F8: variants seen among roughly 807,000 people sequenced by gnomAD.
The protein encoded by F8 is coagulation factor VIII.
A neutral mutation model predicts 140.6 loss-of-function variants in F8; 12 were observed. The observed-to-expected ratio is 0.09, with a 90% CI of 0.05 to 0.14. The LOEUF (loss-of-function observed/expected upper bound fraction) is 0.14, where lower values mean the gene tolerates loss of function less well. Ranked by LOEUF, F8 falls within the 10% of genes least tolerant of loss-of-function variation. The pLI, the probability that F8 is intolerant of heterozygous loss-of-function variation, is 1.00. For synonymous variants in F8, 585 were observed against 614.6 expected (o/e 0.95, Z 0.71); for missense variants, 1,354 against 1,720.7 (o/e 0.79, Z 3.77).
intron 14 of F8, among the ~76,000 whole-genome samples, chrX:154,924,804 G>T (rs1330998505): frequency 8.9e-6 from 1 of 112,463 alleles, no homozygotes; most frequent in Non-Finnish European, 1.9e-5. Flanking sequence ...ACATCATGTG[G>T]AAGCTGCCAA....
chrX:154,843,947 C>T (rs1438622967), intron 25 of F8, among the ~76,000 whole-genome samples: 1 of 111,181 alleles, frequency 9.0e-6, no homozygotes, highest in African/African-American at 3.3e-5. Context: ...GTCTTTAATC[C>T]ATCTTGAATT....
intron 1 of F8, among the ~76,000 whole-genome samples, chrX:155,016,800 T>G (rs781830638): frequency 7.1e-5 from 8 of 112,315 alleles, no homozygotes; most frequent in Non-Finnish European, 1.1e-4. Flanking sequence ...GCATGTTGAT[T>G]AGGGTGGTGG....
At chrX:154,923,636 A>G (rs1292179302) in intron 14 of F8, among the ~76,000 whole-genome samples, 2 of 112,345 alleles carry the variant, frequency 1.8e-5, no homozygotes, top group African/African-American at 6.5e-5. Context: ...GGAGTTAGAG[A>G]CCAGTCTGGC....
intron 1 of F8, among the ~76,000 whole-genome samples, chrX:155,016,263 T>C (rs1369521754): frequency 9.0e-6 from 1 of 110,872 alleles, no homozygotes; most frequent in Admixed American, 9.6e-5. Flanking sequence ...GAGATACCAC[T>C]GTGCAGTCAT....
chrX:154,975,907 AT>A (rs1156328226), intron 6 of F8, among the ~76,000 whole-genome samples: 6 of 109,833 alleles, frequency 5.5e-5, no homozygotes, highest in African/African-American at 1.7e-4. Context: ...TTGTTTGTCA[AT>A]TTTTTTTTGA....
At chrX:154,903,840 A>C in intron 18 of F8, 66 bp downstream of exon 18, 2 of 990,801 alleles carry the variant, frequency 2.0e-6, no homozygotes, top group Non-Finnish European at 2.9e-6. Context: ...CCCAGTGCCT[A>C]GACCATTTAA....
chrX:154,925,596 T>C (rs2073156145), intron 14 of F8, among the ~76,000 whole-genome samples: 1 of 112,127 alleles, frequency 8.9e-6, no homozygotes, highest in Admixed American at 9.4e-5. Context: ...AGACATGGAG[T>C]CAAAGGAGAT....
intron 13 of F8, among the ~76,000 whole-genome samples, chrX:154,936,368 T>C (rs192402956): frequency 9.0e-6 from 1 of 111,548 alleles, no homozygotes; most frequent in East Asian, 2.8e-4. Context: ...AGGATAGAGA[T>C]AGGTTGAAAA....
chrX:154,900,589 T>A (rs28657384), intron 20 of F8, among the ~76,000 whole-genome samples: 47,490 of 111,026 alleles, frequency 0.43, 9,751 homozygotes, highest in African/African-American at 0.81. Flanking sequence ...AAGTAAAAAT[T>A]AGTAAAAATA....
chrX:154,978,181 T>C (rs2073497865), intron 6 of F8, among the ~76,000 whole-genome samples: 1 of 110,941 alleles, frequency 9.0e-6, no homozygotes, highest in Non-Finnish European at 1.9e-5. Flanking sequence ...GTTCTTTGTA[T>C]TTTTTTCAGA....
intron 13 of F8, 75 bp from the exon 14 acceptor site, chrX:154,931,751 C>T: frequency 1.1e-6 from 1 of 898,857 alleles, no homozygotes; most frequent in Non-Finnish European, 1.6e-6. Context: ...GGTTCTCTCC[C>T]ATTCCCAGAT....
Position 154,929,139 on chromosome X carries a change from C to A in F8, c.4651G>T (p.Ala1551Ser). 1 of 1,211,747 alleles carries A rather than the reference C, an allele frequency of 8.3e-7. No individual in the cohort carries two copies. The highest frequency in any genetic ancestry group is 1.1e-6 in the Non-Finnish European group (1 of 895,538). The change falls in exon 14 of 26, where the codon GCG (alanine) becomes TCG (serine). Residue 1551 changes from alanine to serine, a missense_variant. Around this residue, in one of 4 missense-constraint regions of F8, gnomAD observed 658 missense variants for 666.5 expected, o/e 0.99. Transcript: ENST00000360256. The part of the protein sequence containing the change: ...EGSLLQGTEG[A>S]IKWNEANRPG... ...CTGTTTGCTTCATTCCACTTAATCG[C>A]TCCCTCTGTTCCCTGAAGAAGGCTC... is the stretch of plus-strand genomic sequence containing the variant.
intron 25 of F8, among the ~76,000 whole-genome samples, chrX:154,844,800 T>C (rs1452922075): frequency 9.0e-6 from 1 of 110,669 alleles, no homozygotes. Flanking sequence ...TCCTGCCTGA[T>C]TGCCCTGGCC....
intron 23 of F8, among the ~76,000 whole-genome samples, chrX:154,862,519 G>A (rs938193093): frequency 9.0e-6 from 1 of 111,055 alleles, no homozygotes; most frequent in African/African-American, 3.3e-5. Context: ...AGTGAGTGCA[G>A]TACACAATAC....
intron 1 of F8, among the ~76,000 whole-genome samples, chrX:155,009,737 AAAATAAAT>A (rs782614308): frequency 2.7e-5 from 3 of 110,782 alleles, no homozygotes; most frequent in Admixed American, 1.9e-4. Context: ...TCTGTCTCAA[AAAATAAAT>A]AAATAAATAA....
chrX:155,003,724 C>T (rs782793330), intron 1 of F8, among the ~76,000 whole-genome samples: 1 of 110,754 alleles, frequency 9.0e-6, no homozygotes, highest in South Asian at 3.8e-4. Flanking sequence ...TTTGGGAGGC[C>T]GAGGCGGGCA....
intron 12 of F8, among the ~76,000 whole-genome samples, chrX:154,948,392 T>C (rs17174332): frequency 8.1e-4 from 91 of 112,067 alleles, no homozygotes; most frequent in African/African-American, 2.9e-3. Context: ...TTTATCAATT[T>C]GAAGTGTCTG....
chrX:154,964,203 G>A (rs2124103070), intron 9 of F8, among the ~76,000 whole-genome samples: 1 of 111,298 alleles, frequency 9.0e-6, no homozygotes, highest in African/African-American at 3.3e-5. Context: ...CAAGAGGGAG[G>A]AAAATTTACA....
At chrX:154,859,187 C>G (rs2072670540) in intron 25 of F8, among the ~76,000 whole-genome samples, 1 of 111,863 alleles carries the variant, frequency 8.9e-6, no homozygotes, top group Non-Finnish European at 1.9e-5. Flanking sequence ...GAGAGACAGA[C>G]AGACAGAATC....
Sources: gnomAD v4.1 joint callset for allele counts (sites outside exome capture counted in the v4.1 genomes callset) on GRCh38, gnomAD v4.1.1 for gene constraint, gnomAD v4.1.1 regional missense constraint, MANE v1.5 for transcripts, NCBI Gene and HGNC (gene_info 2026-07-23, HGNC 2026-07-21) for gene names.